Variants in ASXL3 observed in about 807,000 individuals in gnomAD.
The protein encoded by ASXL3 is ASXL transcriptional regulator 3, also known as putative Polycomb group protein ASXL3.
Under a neutral mutation model 170.6 loss-of-function variants are expected in ASXL3, and 34 were observed. The ratio of observed to expected loss-of-function variants is 0.20; its 90% CI spans 0.15 to 0.27. The LOEUF is 0.27. ASXL3 is among the 10% of genes least tolerant of loss of function. ASXL3 has a pLI of 1.00. For missense variants in ASXL3, 2,592 were observed against 2,695.3 expected, an observed-to-expected ratio of 0.96 and a Z score of 0.85; for synonymous variants, 1,002 against 989.1, an observed-to-expected ratio of 1.01 and a Z score of -0.24.
At position 33,739,824 on chromosome 18, in the gene ASXL3, C is replaced by T; in HGVS notation, c.2420C>T (p.Thr807Ile). The T allele has an allele frequency of 6.2e-7, 1 of 1,613,918 alleles. No homozygotes were observed. The highest frequency in any genetic ancestry group is 1.1e-5 in the South Asian group (1 of 91,080). Residue 807 changes from threonine (T) to isoleucine (I), a missense_variant, in exon 11 of 12, where the codon ACT becomes ATT. Around this residue, in one of 4 missense-constraint regions of ASXL3, gnomAD observed 2,246 missense variants for 2,219.6 expected, o/e 1.01. Transcript: ENST00000269197. ...LTSQQKNLSN[T>I]PEPIIMSSSS... ...TCCCAGCAGAAGAATCTGTCTAATA[C>T]TCCCGAACCCATCATAATGAGTTCT...
intron 2 of ASXL3, among the ~76,000 whole-genome samples, chr18:33,618,738 T>C (rs546421506): frequency 6.6e-6 from 1 of 152,284 alleles, no homozygotes; most frequent in South Asian, 2.1e-4. Context: ...TTTCAGCCTC[T>C]TCTCTGTGAA....
chr18:33,607,976 T>C (rs185495512), intron 2 of ASXL3, among the ~76,000 whole-genome samples: 4 of 152,072 alleles, frequency 2.6e-5, no homozygotes, highest in Non-Finnish European at 5.9e-5. Context: ...ATTGTGTTTC[T>C]GAAACCAAAT....
At chr18:33,728,037 GTATT>G (rs1281879493) in intron 8 of ASXL3, among the ~76,000 whole-genome samples, 12 of 152,054 alleles carry the variant, frequency 7.9e-5, no homozygotes, top group Non-Finnish European at 2.9e-5. Context: ...TCTGGATCTG[GTATT>G]TATTTGTGTC....
rs916451839 is a variant in ASXL3, at chr18:33,744,983, C to T, written c.5135C>T (p.Thr1712Ile). Residue 1712 changes from threonine (T) to isoleucine (I), a missense_variant, in exon 12 of 12, where the codon ACC becomes ATC. By Grantham distance (89) the Thr-to-Ile change is moderately conservative. This residue lies in a region of ASXL3 where 2,246 missense variants were observed against 2,219.6 expected (regional missense o/e 1.01). Coordinates refer to ENST00000269197, the MANE Select transcript of ASXL3 (RefSeq NM_030632.3). ...CAAACACAGAACATGAAAGCTTCCA[C>T]CTCAAGTCCCATGGAAGAGGCTATT... ...VQQTQNMKASTSSPMEEAISL... is the reference protein window; with the variant it reads ...VQQTQNMKASISSPMEEAISL... The T allele has an allele frequency of 1.2e-6, 2 of 1,614,022 alleles. No individual in the cohort carries two copies. Among genetic ancestry groups the T allele is most frequent in the Non-Finnish European group, 1.7e-6 (2 of 1,179,912 alleles).
In ASXL3 at chr18:33,749,035, ATT is replaced by A. The variant is rs2067843001; in HGVS notation, c.*2441_*2442del. 6.8e-6 allele frequency: 1 copy of A among 147,674 alleles called. No individual in the cohort carries two copies. Among genetic ancestry groups the A allele is most frequent in the Admixed American group, 6.7e-5 (1 of 14,888 alleles). 9.1% of individuals were successfully genotyped at this position (147,674 alleles called of 1,614,324 possible). A position where few individuals can be genotyped will look rare whatever the true frequency, so the allele number is the denominator to read the frequency against. ...AGAATCAGTTGTTGATAGTGCATGG[ATT>A]CTATCATCCAGGTCCGATTAGCATA... On this transcript the variant is annotated 3_prime_UTR_variant, in exon 12 of 12. Coordinates refer to ENST00000269197, the MANE Select transcript of ASXL3 (RefSeq NM_030632.3).
At chr18:33,630,135 G>T (rs2065655843) in intron 2 of ASXL3, among the ~76,000 whole-genome samples, 1 of 151,950 alleles carries the variant, frequency 6.6e-6, no homozygotes, top group African/African-American at 2.4e-5. Flanking sequence ...TTCTTAAGAT[G>T]TATTTTTAAG....
At chr18:33,687,763 A>G (rs2066620087) in intron 8 of ASXL3, among the ~76,000 whole-genome samples, 1 of 152,156 alleles carries the variant, frequency 6.6e-6, no homozygotes, top group African/African-American at 2.4e-5. Context: ...GTTTCATCAC[A>G]TTGCTGCATC....
intron 8 of ASXL3, among the ~76,000 whole-genome samples, chr18:33,686,235 G>C (rs534239290): frequency 2.0e-5 from 3 of 152,158 alleles, no homozygotes; most frequent in Non-Finnish European, 4.4e-5. Context: ...CTATACGCAA[G>C]AATGGATCTT....
At chr18:33,674,827 C>T (rs2066399911) in intron 7 of ASXL3, among the ~76,000 whole-genome samples, 1 of 152,028 alleles carries the variant, frequency 6.6e-6, no homozygotes. Flanking sequence ...ACCATGTTAG[C>T]CAGGATGGTC....
chr18:33,721,002 AT>A (rs1238166759), intron 8 of ASXL3, among the ~76,000 whole-genome samples: 1 of 152,072 alleles, frequency 6.6e-6, no homozygotes, highest in African/African-American at 2.4e-5. Flanking sequence ...CAATATTAAT[AT>A]TCTCCTTGTT....
intron 2 of ASXL3, among the ~76,000 whole-genome samples, chr18:33,629,933 C>T (rs896345108): frequency 1.3e-5 from 2 of 151,888 alleles, no homozygotes; most frequent in Admixed American, 1.3e-4. Context: ...TTACATTGAT[C>T]CTAGTCATCT....
At chr18:33,641,746 C>G (rs2065849846) in intron 2 of ASXL3, 1 of 152,426 alleles carries the variant, frequency 6.6e-6, no homozygotes, top group Admixed American at 6.6e-5. Flanking sequence ...GGAAAACTAA[C>G]TTTGTTTTCT....
chr18:33,674,836 T>G (rs1181487184), intron 7 of ASXL3, among the ~76,000 whole-genome samples: 3 of 152,240 alleles, frequency 2.0e-5, no homozygotes, highest in Non-Finnish European at 4.4e-5. Context: ...GCCAGGATGG[T>G]CTCGATCTCC....
At chr18:33,584,371 G>A (rs1055423814) in intron 1 of ASXL3, among the ~76,000 whole-genome samples, 32 of 152,072 alleles carry the variant, frequency 2.1e-4, no homozygotes, top group African/African-American at 7.5e-4. Flanking sequence ...GGCTGTTGTA[G>A]TTAGGTGGTA....
rs536463928 is a variant in ASXL3 at position 33,631,575 on chromosome 18, AAG to A, written c.138-13317_138-13316del. ...TAAAGTATTCTTGATTATATAAGAA[AAG>A]AATATAATATGCATTAAGATATTCA... On this transcript the variant is annotated intron_variant, in intron 2 of 11. Coordinates refer to ENST00000269197, the MANE Select transcript of ASXL3 (RefSeq NM_030632.3). 2.1e-3 allele frequency among the ~76,000 whole-genome samples: 313 copies of A among 152,252 alleles called. 1 individual carries two copies. Among genetic ancestry groups the A allele is most frequent in the Middle Eastern group, 0.017 (5 of 294 alleles).
intron 2 of ASXL3, among the ~76,000 whole-genome samples, chr18:33,632,316 T>C (rs1038607967): frequency 6.6e-6 from 1 of 152,162 alleles, no homozygotes; most frequent in Non-Finnish European, 1.5e-5. Context: ...TATAAAGAAC[T>C]CACATCAGTC....
At chr18:33,661,804 G>T in intron 5 of ASXL3, 67 bp downstream of exon 5, 1 of 1,504,268 alleles carries the variant, frequency 6.6e-7, no homozygotes, top group South Asian at 1.3e-5. Flanking sequence ...GTGTTTTGCT[G>T]ATCAAGTAAA....
chr18:33,648,264 AT>A (rs1386950186), intron 4 of ASXL3, among the ~76,000 whole-genome samples: 1 of 152,118 alleles, frequency 6.6e-6, no homozygotes, highest in Non-Finnish European at 1.5e-5. Context: ...TATTGTCGTA[AT>A]CTAGAGGAGA....
chr18:33,612,201 A>T (rs750553941), intron 2 of ASXL3, among the ~76,000 whole-genome samples: 4 of 152,050 alleles, frequency 2.6e-5, no homozygotes, highest in Non-Finnish European at 5.9e-5. Context: ...ATATATATAC[A>T]CAAACCACAC....
Sources: allele counts gnomAD v4.1 joint callset (sites outside exome capture counted in the v4.1 genomes callset), GRCh38; gene constraint gnomAD v4.1.1; regional missense constraint gnomAD v4.1.1; transcripts MANE v1.5; gene names NCBI Gene and HGNC (gene_info 2026-07-23, HGNC 2026-07-21).